AOPEP: variants seen among roughly 807,000 people sequenced by gnomAD.
AOPEP encodes the protein aminopeptidase O (putative).
AOPEP carries 77 observed loss-of-function variants against 98.1 expected under a neutral mutation model. The observed-to-expected ratio is 0.78, with a 90% CI of 0.65 to 0.95. The LOEUF (loss-of-function observed/expected upper bound fraction) is 0.95. AOPEP is among the 40% of genes least tolerant of loss of function. The probability of loss-of-function intolerance (pLI) is 0.00; values close to 1 mark genes in which losing one functional copy is unlikely to be tolerated. For synonymous variants in AOPEP, 346 were observed against 365.3 expected (o/e 0.95, Z 0.60); for missense variants, 1,024 against 1,024.7 (o/e 1.00, Z 0.01).
rs571933651 is a variant in AOPEP at position 94,978,699 on chromosome 9, G to A, written c.1917-668G>A. On this transcript the variant is annotated intron_variant, in intron 10 of 16. Transcript: ENST00000375315. The stretch of plus-strand genomic sequence containing the variant: ...TAGCCAAGGAAGACAAAAGGACACA[G>A]CCGGAGATCTGGTGATCCTAAATAT... Among the ~76,000 whole-genome samples the A allele has an allele frequency of 2.0e-5, 3 of 152,340 alleles. No individual in the cohort carries two copies. In the South Asian group the frequency reaches 6.2e-4, roughly 32 times the overall value.
At chr9:94,974,244 T>A (rs2059702682) in intron 10 of AOPEP, among the ~76,000 whole-genome samples, 1 of 152,226 alleles carries the variant, frequency 6.6e-6, no homozygotes, top group Non-Finnish European at 1.5e-5. Context: ...TTCATCTTTC[T>A]CTCATAATTT....
intron 14 of AOPEP, among the ~76,000 whole-genome samples, chr9:95,077,217 C>G (rs758177071): frequency 6.6e-6 from 1 of 152,196 alleles, no homozygotes; most frequent in Non-Finnish European, 1.5e-5. Context: ...TTCCTAGGCA[C>G]GGGACAGCAC....
At chr9:94,769,911 T>C (rs12343530) in intron 2 of AOPEP, among the ~76,000 whole-genome samples, 8,519 of 152,286 alleles carry the variant, frequency 0.056, 358 homozygotes, top group South Asian at 0.11. Flanking sequence ...GAGGACATAA[T>C]ACTGAACTGG....
At chr9:94,892,079 A>C (rs2136071986) in intron 5 of AOPEP, among the ~76,000 whole-genome samples, 1 of 152,280 alleles carries the variant, frequency 6.6e-6, no homozygotes, top group Non-Finnish European at 1.5e-5. Flanking sequence ...CTTATAGATA[A>C]TGTGTAATTT....
Position 94,885,455 on chromosome 9 carries a change from C to A in AOPEP, c.1365-38531C>A, listed in dbSNP as rs531645566. 1.2e-4 allele frequency among the ~76,000 whole-genome samples: 17 copies of A among 138,042 alleles called. No homozygotes were observed. In the Admixed American group the frequency reaches 1.2e-3, roughly 10 times the overall value. 90.6% of individuals were successfully genotyped at this position (138,042 alleles called of 152,430 possible). On this transcript the variant is annotated intron_variant, in intron 5 of 16. Transcript: ENST00000375315. ...AAATATATCCTATATTAGTTATTTA[C>A]TGAATGCACGTGGCTAAAGGGAAAA...
chr9:94,895,509 C>CAAAACAAGA (rs771135320), intron 5 of AOPEP, among the ~76,000 whole-genome samples: 6 of 151,774 alleles, frequency 4.0e-5, no homozygotes, highest in Non-Finnish European at 7.4e-5. Context: ...AAGGTACCTA[C>CAAAACAAGA]CATCACCATC....
chr9:94,742,915 A>G (rs1833490504), intron 1 of AOPEP, among the ~76,000 whole-genome samples: 1 of 151,998 alleles, frequency 6.6e-6, no homozygotes. Flanking sequence ...TGCTTTGGAG[A>G]TAGGAGGCAG....
rs544280411 is a variant in AOPEP at position 94,845,239 on chromosome 9, A to G, written c.1364+44237A>G. The stretch of plus-strand genomic sequence containing the variant: ...GAAACTGTGGTATTCCAGCACAGAC[A>G]AGACACAGAGTCAGGTGGGGCAGAG... On this transcript the variant is annotated intron_variant, in intron 5 of 16. Coordinates refer to ENST00000375315, the MANE Select transcript of AOPEP (RefSeq NM_001193329.3). 6.9e-4 allele frequency among the ~76,000 whole-genome samples: 105 copies of G among 152,358 alleles called. 3 individuals carry two copies. In the South Asian group the frequency reaches 0.02, roughly 30 times the overall value.
At chr9:94,839,711 C>T (rs1298371273) in intron 5 of AOPEP, among the ~76,000 whole-genome samples, 2 of 152,102 alleles carry the variant, frequency 1.3e-5, no homozygotes, top group Non-Finnish European at 2.9e-5. Context: ...CCTTATTGCA[C>T]TCTTAGGACT....
intron 13 of AOPEP, chr9:95,020,050 C>T (rs41281190): frequency 0.05 from 7,650 of 152,294 alleles, 261 homozygotes; most frequent in Middle Eastern, 0.12. Context: ...TGGGAAAGAC[C>T]TCACAAGCTT....
chr9:94,916,197 T>C (rs927522961), intron 5 of AOPEP, among the ~76,000 whole-genome samples: 3 of 152,208 alleles, frequency 2.0e-5, no homozygotes, highest in Non-Finnish European at 4.4e-5. Flanking sequence ...ATTAGCTCTT[T>C]TTATGGGAAC....
chr9:95,018,919 A>G (rs1247233448), intron 13 of AOPEP: 3 of 152,244 alleles, frequency 2.0e-5, no homozygotes, highest in African/African-American at 7.2e-5. Flanking sequence ...ACCTCTTCAC[A>G]GAAGGCGGTG....
intron 7 of AOPEP, among the ~76,000 whole-genome samples, chr9:94,934,385 C>T (rs1423856339): frequency 3.5e-5 from 5 of 142,450 alleles, no homozygotes; most frequent in African/African-American, 8.0e-5. Context: ...GGCGCGATTT[C>T]GGCTCACTGC....
At chr9:94,954,089 G>A (rs960953724) in intron 7 of AOPEP, among the ~76,000 whole-genome samples, 2 of 152,194 alleles carry the variant, frequency 1.3e-5, no homozygotes, top group Non-Finnish European at 1.5e-5. Context: ...TTGGGAGGCT[G>A]AGGTGGACGG....
At chr9:95,145,977 T>A in the AOPEP span, among the ~76,000 whole-genome samples, 1 of 95,780 alleles carries the variant, frequency 1.0e-5, no homozygotes, top group Admixed American at 1.0e-4. Context: ...TATTTTTTTT[T>A]ATTTGAACTC....
intron 11 of AOPEP, among the ~76,000 whole-genome samples, chr9:94,986,624 C>A (rs7848018): frequency 0.13 from 20,079 of 152,016 alleles, 3,438 homozygotes; most frequent in African/African-American, 0.4. Flanking sequence ...TCATGGCATG[C>A]GAGAGAAATA....
At chr9:95,114,312 C>G in the AOPEP span, 1 of 382,228 alleles carries the variant, frequency 2.6e-6, no homozygotes, top group Non-Finnish European at 5.0e-6. Context: ...CAGGTGGGTG[C>G]TGCTTTTTCC....
At chr9:95,116,420 G>C in the AOPEP span, among the ~76,000 whole-genome samples, 5 of 152,224 alleles carry the variant, frequency 3.3e-5, no homozygotes, top group Admixed American at 1.3e-4. Context: ...CTCGAAAAAG[G>C]AAGAGGAATT....
chr9:94,888,554 G>C (rs550366792), intron 5 of AOPEP, among the ~76,000 whole-genome samples: 6 of 152,140 alleles, frequency 3.9e-5, no homozygotes, highest in Non-Finnish European at 8.8e-5. Context: ...CTAGTCTGTC[G>C]TTGTCTGAGA....
Sources: gnomAD v4.1 joint callset for allele counts (sites outside exome capture counted in the v4.1 genomes callset) on GRCh38, gnomAD v4.1.1 for gene constraint, MANE v1.5 for transcripts, NCBI Gene and HGNC (gene_info 2026-07-23, HGNC 2026-07-21) for gene names.